Variants in DLGAP2 observed in about 807,000 individuals in gnomAD.
DLGAP2 encodes DLG associated protein 2.
A neutral mutation model predicts 100.3 loss-of-function variants in DLGAP2; 26 were observed. That is an observed-to-expected ratio of 0.26 (90% CI 0.19 to 0.36). The LOEUF is 0.36. Ranked by LOEUF, DLGAP2 falls within the 10% of genes least tolerant of loss-of-function variation. The probability of loss-of-function intolerance (pLI) is 1.00; values close to 1 mark genes in which losing one functional copy is unlikely to be tolerated. For missense variants in DLGAP2, 1,858 were observed against 1,453.2 expected, an observed-to-expected ratio of 1.28 and a Z score of -4.53; for synonymous variants, 886 against 630.1, an observed-to-expected ratio of 1.41 and a Z score of -6.08.
chr8:973,333 G>A (rs1396707213), intron 2 of DLGAP2, among the ~76,000 whole-genome samples: 7 of 150,452 alleles, frequency 4.7e-5, no homozygotes, highest in African/African-American at 1.7e-4. Context: ...GCTGCCGGGC[G>A]GAGACGCTCC....
At chr8:885,893 A>G (rs1435965644) in intron 1 of DLGAP2, among the ~76,000 whole-genome samples, 1 of 152,186 alleles carries the variant, frequency 6.6e-6, no homozygotes, top group Admixed American at 6.5e-5. Context: ...TGGTTTTGGT[A>G]TCAGAATGAT....
intron 6 of DLGAP2, among the ~76,000 whole-genome samples, chr8:1,611,067 C>G (rs1011310679): frequency 1.0e-4 from 14 of 140,122 alleles, no homozygotes; most frequent in Admixed American, 6.4e-4. Context: ...GATACCAAAG[C>G]CGGGCAGAGA....
intron 2 of DLGAP2, among the ~76,000 whole-genome samples, chr8:1,193,764 A>T (rs1797690489): frequency 1.3e-5 from 2 of 151,880 alleles, no homozygotes; most frequent in South Asian, 4.2e-4. Flanking sequence ...AGCAGATCCC[A>T]GTCTCGGCCT....
chr8:831,752 A>G (rs1253468249), intron 1 of DLGAP2, among the ~76,000 whole-genome samples: 2 of 152,176 alleles, frequency 1.3e-5, no homozygotes, highest in Non-Finnish European at 2.9e-5. Flanking sequence ...CACTGGGTCA[A>G]ATGGTATTTC....
chr8:1,702,159 T>C lies in DLGAP2; in HGVS notation c.*753T>C. On this transcript the variant is annotated 3_prime_UTR_variant, in exon 15 of 15. Transcript: ENST00000637795. ...AGGAAGTCACGCGCAGAGAGGAGAGTCTTACGGAGGGCTGGGAGCTTAAAA... is the reference window on the plus strand; with the variant it reads ...AGGAAGTCACGCGCAGAGAGGAGAGCCTTACGGAGGGCTGGGAGCTTAAAA... 6.6e-6 allele frequency: 1 copy of C among 151,998 alleles called. No individual in the cohort carries two copies. The highest frequency in any genetic ancestry group is 1.9e-4 in the East Asian group (1 of 5,194). The allele number at this position is 151,998 out of a possible 1,614,324, so 9.4% of individuals were successfully genotyped here.
At chr8:1,355,429 A>G (rs146476149) in intron 3 of DLGAP2, among the ~76,000 whole-genome samples, 1,694 of 152,222 alleles carry the variant, frequency 0.011, 42 homozygotes, top group African/African-American at 0.039. Context: ...CAGTGGCTCA[A>G]TCTTGGCTCA....
chr8:1,605,562 C>G (rs954027103), intron 6 of DLGAP2, among the ~76,000 whole-genome samples: 6 of 152,184 alleles, frequency 3.9e-5, no homozygotes, highest in African/African-American at 7.2e-5. Context: ...CTAAGTGCCT[C>G]TTTAGGATGA....
chr8:919,292 A>G (rs544437659), intron 2 of DLGAP2, among the ~76,000 whole-genome samples: 7 of 152,326 alleles, frequency 4.6e-5, no homozygotes, highest in African/African-American at 1.7e-4. Flanking sequence ...AGGTGCCCTC[A>G]TGGTGCTGGG....
intron 2 of DLGAP2, among the ~76,000 whole-genome samples, chr8:1,049,601 A>T (rs537483607): frequency 6.6e-6 from 1 of 152,136 alleles, no homozygotes; most frequent in East Asian, 1.9e-4. Context: ...ATATTCCTCC[A>T]CTCTGAAATA....
At chr8:747,626 G>C (rs1050184949) in intron 1 of DLGAP2, among the ~76,000 whole-genome samples, 1 of 139,042 alleles carries the variant, frequency 7.2e-6, no homozygotes, top group Non-Finnish European at 1.6e-5. Context: ...GCAGGATTGG[G>C]TGCGGGGGCT....
intron 8 of DLGAP2, among the ~76,000 whole-genome samples, chr8:1,653,755 G>A (rs560930881): frequency 6.6e-6 from 1 of 152,022 alleles, no homozygotes; most frequent in Admixed American, 6.5e-5. Context: ...TTTTCCATTA[G>A]GGTCACCTTA....
intron 3 of DLGAP2, among the ~76,000 whole-genome samples, chr8:1,448,929 G>A (rs986727795): frequency 2.0e-5 from 3 of 152,320 alleles, no homozygotes; most frequent in East Asian, 3.9e-4. Flanking sequence ...TGCAGCCGCT[G>A]CTGGGCCTTC....
intron 3 of DLGAP2, among the ~76,000 whole-genome samples, chr8:1,384,104 G>T (rs1055208878): frequency 6.6e-6 from 1 of 152,016 alleles, no homozygotes; most frequent in South Asian, 2.1e-4. Flanking sequence ...ATTAATAGAA[G>T]AATTAGGTCA....
At chr8:1,506,059 G>C (rs1000984260) in intron 4 of DLGAP2, among the ~76,000 whole-genome samples, 1 of 152,092 alleles carries the variant, frequency 6.6e-6, no homozygotes, top group Non-Finnish European at 1.5e-5. Flanking sequence ...ATAATACTTA[G>C]AGCCTTCCAC....
intron 2 of DLGAP2, among the ~76,000 whole-genome samples, chr8:1,042,017 G>A (rs1478016633): frequency 6.6e-6 from 1 of 152,194 alleles, no homozygotes; most frequent in Non-Finnish European, 1.5e-5. Context: ...GTGTCCCCTA[G>A]ATGGAGCCGT....
chr8:1,522,169 G>T (rs1480916597), intron 4 of DLGAP2, among the ~76,000 whole-genome samples: 1 of 152,174 alleles, frequency 6.6e-6, no homozygotes, highest in East Asian at 1.9e-4. Flanking sequence ...TCCACGCTTG[G>T]CATCTGAGTG....
At chr8:1,428,060 T>G (rs561268451) in intron 3 of DLGAP2, among the ~76,000 whole-genome samples, 1 of 151,830 alleles carries the variant, frequency 6.6e-6, no homozygotes, top group East Asian at 1.9e-4. Flanking sequence ...AATAAATGAC[T>G]TACATAGCAA....
In DLGAP2 at chr8:1,428,418, G is replaced by C. The variant is rs558703534; in HGVS notation, c.107-72948G>C. Among the ~76,000 whole-genome samples, 8 of 151,244 alleles carry C rather than the reference G, an allele frequency of 5.3e-5. No homozygotes were observed. In the South Asian group the frequency reaches 6.3e-4, roughly 12 times the overall value. On this transcript the variant is annotated intron_variant, in intron 3 of 14. Coordinates refer to ENST00000637795, the MANE Select transcript of DLGAP2 (RefSeq NM_001346810.2). Reference sequence around the variant, plus strand: ...AATAACTAGATCTCTCTTTCCTTGAGAGAGAGAGAGAGAAAGAGTGAGTGA... The same window carrying C: ...AATAACTAGATCTCTCTTTCCTTGACAGAGAGAGAGAGAAAGAGTGAGTGA...
chr8:1,211,242 T>TCC (rs773228775), intron 2 of DLGAP2, among the ~76,000 whole-genome samples: 2 of 152,216 alleles, frequency 1.3e-5, no homozygotes, highest in Non-Finnish European at 2.9e-5. Context: ...CCAAGTAAAA[T>TCC]CCACCTTCCT....
Sources: allele counts gnomAD v4.1 joint callset (sites outside exome capture counted in the v4.1 genomes callset), GRCh38; gene constraint gnomAD v4.1.1; transcripts MANE v1.5; gene names NCBI Gene and HGNC (gene_info 2026-07-23, HGNC 2026-07-21).